Variants in PSKH2 observed in about 807,000 individuals in gnomAD.
PSKH2 encodes serine/threonine-protein kinase H2.
In PSKH2, 16 loss-of-function variants were observed where a neutral mutation model predicts 22.5. The ratio of observed to expected loss-of-function variants is 0.71; its 90% CI spans 0.48 to 1.08. PSKH2 has a LOEUF of 1.08. PSKH2 is among the 50% of genes least tolerant of loss of function. The pLI is 0.00. For synonymous variants in PSKH2, 188 were observed against 184.8 expected (o/e 1.02, Z -0.14); for missense variants, 516 against 492.8 (o/e 1.05, Z -0.44).
intron 1 of PSKH2, chr8:86,066,448 C>G (rs1353376345): frequency 6.6e-6 from 1 of 152,002 alleles, no homozygotes; most frequent in African/African-American, 2.4e-5. Flanking sequence ...AGTGATCTGC[C>G]CACCTCAGCC....
chr8:86,069,701 A>G (rs1396681353), upstream of PSKH2: 12 of 1,389,906 alleles, frequency 8.6e-6, no homozygotes, highest in Non-Finnish European at 1.0e-5. Context: ...TTTATCAAAG[A>G]GCAGCTGCGA....
chr8:86,064,389 C>A lies in PSKH2; in HGVS notation c.428G>T (p.Gly143Val). ...VYMVMELATG[G>V]ELFDRLIAQG... The stretch of plus-strand genomic sequence containing the variant: ...AGCAATGAGTCGATCAAAGAGCTCC[C>A]CTCCGGTAGCCAGCTCCATTACCAT... The change falls in exon 2 of 3, where the codon GGG becomes GTG. Residue 143 changes from glycine to valine, a missense_variant. Coordinates refer to ENST00000276616, the MANE Select transcript of PSKH2 (RefSeq NM_033126.3). The A allele has an allele frequency of 6.2e-7, 1 of 1,614,120 alleles. No individual in the cohort carries two copies. Among genetic ancestry groups the A allele is most frequent in the Non-Finnish European group, 8.5e-7 (1 of 1,180,022 alleles).
intron 2 of PSKH2, among the ~76,000 whole-genome samples, chr8:86,059,809 A>C (rs1817752592): frequency 6.6e-6 from 1 of 152,192 alleles, no homozygotes; most frequent in East Asian, 1.9e-4. Context: ...CGATATGGGA[A>C]ACCAAAATAT....
At chr8:86,069,711 A>C (rs959555445), upstream of PSKH2, 2 of 1,375,820 alleles carry the variant, frequency 1.5e-6, no homozygotes, top group Non-Finnish European at 1.9e-6. Flanking sequence ...AGCAGCTGCG[A>C]GGGGCGGGAC....
intron 2 of PSKH2, among the ~76,000 whole-genome samples, chr8:86,054,601 T>C: frequency 6.6e-6 from 1 of 152,204 alleles, no homozygotes; most frequent in South Asian, 2.1e-4. Flanking sequence ...AGATTTTAAA[T>C]GCTTTATCTT....
chr8:86,049,593 A>C (rs1018119267), intron 2 of PSKH2, among the ~76,000 whole-genome samples: 3 of 144,764 alleles, frequency 2.1e-5, no homozygotes, highest in African/African-American at 5.1e-5. Flanking sequence ...AGAGAGAGAG[A>C]GAGCGAAGAG....
chr8:86,065,162 A>G (rs1817839513), intron 1 of PSKH2, among the ~76,000 whole-genome samples: 1 of 152,214 alleles, frequency 6.6e-6, no homozygotes, highest in African/African-American at 2.4e-5. Context: ...AAACAAATCA[A>G]GTGGGGGAGA....
chr8:86,063,615 T>C (rs573199931), intron 2 of PSKH2, among the ~76,000 whole-genome samples: 2 of 152,324 alleles, frequency 1.3e-5, no homozygotes, highest in Non-Finnish European at 2.9e-5. Context: ...TCTGCACAGA[T>C]TGGAGAAAAA....
At chr8:86,058,529 C>T (rs909196052) in intron 2 of PSKH2, among the ~76,000 whole-genome samples, 3 of 152,192 alleles carry the variant, frequency 2.0e-5, no homozygotes, top group African/African-American at 7.2e-5. Context: ...TGAATGCATT[C>T]TCCATGCTTA....
rs1162478491 is a variant in PSKH2, at chr8:86,049,721, A to AC, written c.853-955_853-954insG. ...AAGAAAGAAAGAAAGAAAGAAAGAA[A>AC]GAAAGAAAGAAAGAAAGAAAGAAAG... On this transcript the variant is annotated intron_variant, in intron 2 of 2. Coordinates refer to ENST00000276616, the MANE Select transcript of PSKH2 (RefSeq NM_033126.3). Among the ~76,000 whole-genome samples, 83 of 68,562 alleles carry AC rather than the reference A, an allele frequency of 1.2e-3. 4 individuals are homozygous for AC. The highest frequency in any genetic ancestry group is 0.012 in the South Asian group (15 of 1,264). The allele number at this position is 68,562 out of a possible 152,430, so 45.0% of individuals were successfully genotyped here.
intron 2 of PSKH2, among the ~76,000 whole-genome samples, chr8:86,055,957 T>G (rs1817692983): frequency 7.7e-6 from 1 of 129,636 alleles, no homozygotes. Context: ...TTTAAAAATA[T>G]ATATACATAT....
At chr8:86,053,946 A>G (rs1586059060) in intron 2 of PSKH2, among the ~76,000 whole-genome samples, 1 of 152,150 alleles carries the variant, frequency 6.6e-6, no homozygotes, top group Non-Finnish European at 1.5e-5. Context: ...CTGAGGTGGC[A>G]GAGTTGCTTA....
rs1029546475 is a variant in PSKH2, at chr8:86,063,259, A to G, written c.852+706T>C. ...TTTAAGTAGGTATAAGCAAATATCA[A>G]TGTTTTTCTTCATGAGAAATTAGAA... On this transcript the variant is annotated intron_variant, in intron 2 of 2. Coordinates refer to ENST00000276616, the MANE Select transcript of PSKH2 (RefSeq NM_033126.3). Among the ~76,000 whole-genome samples, 4 of 152,220 alleles carry G rather than the reference A, an allele frequency of 2.6e-5. No individual in the cohort carries two copies. The East Asian group carries it at 7.7e-4, about 29-fold the overall frequency.
intron 2 of PSKH2, among the ~76,000 whole-genome samples, chr8:86,062,566 C>A (rs182638464): frequency 1.3e-5 from 2 of 152,058 alleles, no homozygotes; most frequent in Non-Finnish European, 2.9e-5. Context: ...CGAGTTCTAA[C>A]GAGATCTGAT....
At position 86,047,763 on chromosome 8, in the gene PSKH2, AG is replaced by A. The variant is rs1233149526; in HGVS notation, c.*698del. Reference sequence around the variant, plus strand: ...TAAAAGAAACCAGTACATACTGAAAAGAGTTGACAGTAGTGATAAGAAGCAA... The same window carrying A: ...TAAAAGAAACCAGTACATACTGAAAAAGTTGACAGTAGTGATAAGAAGCAA... On this transcript the variant is annotated 3_prime_UTR_variant, in exon 3 of 3. Transcript: ENST00000276616. 6.6e-6 allele frequency among the ~76,000 whole-genome samples: 1 copy of A among 152,156 alleles called. No homozygotes were observed. The highest frequency in any genetic ancestry group is 1.5e-5 in the Non-Finnish European group (1 of 67,998).
intron 2 of PSKH2, among the ~76,000 whole-genome samples, chr8:86,054,210 AT>A (rs141966965): frequency 0.47 from 71,394 of 152,018 alleles, 17,063 homozygotes; most frequent in African/African-American, 0.49. Flanking sequence ...TAATTAAATA[AT>A]TTTTTTAAAG....
intron 2 of PSKH2, among the ~76,000 whole-genome samples, chr8:86,063,420 T>C (rs1436021416): frequency 6.6e-6 from 1 of 151,574 alleles, no homozygotes; most frequent in Non-Finnish European, 1.5e-5. Context: ...ACACTGGGAG[T>C]TTCAAGTTTA....
intron 2 of PSKH2, among the ~76,000 whole-genome samples, chr8:86,056,145 A>G (rs62509891): frequency 1.3e-5 from 2 of 151,732 alleles, no homozygotes; most frequent in Non-Finnish European, 2.9e-5. Flanking sequence ...TTTTTTTTAA[A>G]TGAGCTGTGC....
chr8:86,048,896 T>C, intron 2 of PSKH2, 129 bp from the exon 3 acceptor site: 3 of 741,980 alleles, frequency 4.0e-6, no homozygotes, highest in Non-Finnish European at 6.3e-6. Context: ...AAATAAGCAG[T>C]TTTAATACTG....
Sources: allele counts gnomAD v4.1 joint callset (sites outside exome capture counted in the v4.1 genomes callset), GRCh38; gene constraint gnomAD v4.1.1; transcripts MANE v1.5; gene names NCBI Gene and HGNC (gene_info 2026-07-23, HGNC 2026-07-21).